BAZ1A: variants seen among roughly 807,000 people sequenced by gnomAD.
BAZ1A encodes the protein bromodomain adjacent to zinc finger domain protein 1A.
Under a neutral mutation model 185.2 loss-of-function variants are expected in BAZ1A, and 50 were observed. The observed-to-expected ratio is 0.27, with a 90% CI of 0.22 to 0.34. The LOEUF is 0.34. BAZ1A is among the 10% of genes least tolerant of loss of function. BAZ1A has a pLI of 1.00. For synonymous variants in BAZ1A, 571 were observed against 615.6 expected (o/e 0.93, Z 1.07); for missense variants, 1,356 against 1,839.9 (o/e 0.74, Z 4.81).
intron 4 of BAZ1A, among the ~76,000 whole-genome samples, chr14:34,820,951 T>C (rs140803630): frequency 2.0e-5 from 3 of 146,506 alleles, no homozygotes; most frequent in African/African-American, 4.9e-5. Flanking sequence ...CCACACTTTA[T>C]GGATTAGTGT....
chr14:34,840,741 A>G (rs2042400198), intron 3 of BAZ1A, among the ~76,000 whole-genome samples: 1 of 151,092 alleles, frequency 6.6e-6, no homozygotes, highest in South Asian at 2.1e-4. Flanking sequence ...TGGGCGACAG[A>G]GTGAGACTCT....
intron 8 of BAZ1A, 68 bp downstream of exon 8, chr14:34,801,026 C>G: frequency 9.0e-7 from 1 of 1,116,194 alleles, no homozygotes; most frequent in South Asian, 1.6e-5. Flanking sequence ...GAAACATCCC[C>G]CACTCAGGCA....
At chr14:34,867,353 C>G (rs2042877334) in intron 2 of BAZ1A, among the ~76,000 whole-genome samples, 1 of 152,198 alleles carries the variant, frequency 6.6e-6, no homozygotes, top group African/African-American at 2.4e-5. Flanking sequence ...AATAACCCAT[C>G]TGGCCAAGTA....
intron 23 of BAZ1A, 147 bp from the exon 24 acceptor site, chr14:34,762,370 G>C: frequency 1.4e-6 from 1 of 700,114 alleles, no homozygotes; most frequent in Non-Finnish European, 2.3e-6. Flanking sequence ...TCCTTAAAGA[G>C]TCAGTAAGTT....
rs554421112 is a variant in BAZ1A at position 34,771,477 on chromosome 14, C to T, written c.3301+34G>A. The stretch of plus-strand genomic sequence containing the variant: ...GGCCAACTCAAAATTACTTATAACA[C>T]AACTAATATTTTGAAATAAAAACAG... On this transcript the variant is annotated intron_variant, in intron 21 of 26. Transcript: ENST00000360310. 2.5e-5 allele frequency: 40 copies of T among 1,580,694 alleles called. No homozygotes were observed. The South Asian group carries it at 4.3e-4, about 17-fold the overall frequency.
chr14:34,791,821 A>C (rs1880866213), intron 12 of BAZ1A, among the ~76,000 whole-genome samples: 1 of 152,220 alleles, frequency 6.6e-6, no homozygotes, highest in African/African-American at 2.4e-5. Context: ...TCTTATTAGA[A>C]ATGCTTAACA....
chr14:34,776,360 C>T lies in BAZ1A; in HGVS notation c.2392G>A (p.Ala798Thr), dbSNP rs1309663032. Residue 798 changes from alanine to threonine, a missense_variant, in exon 18 of 27, where the codon GCC (alanine) becomes ACC (threonine). Ala to Thr is a moderately conservative substitution (Grantham distance 58). Around this residue, in one of 7 missense-constraint regions of BAZ1A, gnomAD observed 434 missense variants for 561.7 expected, o/e 0.77. Transcript: ENST00000360310. The stretch of plus-strand genomic sequence containing the variant: ...CCCAAGGGAAAGATATTGGTACAGG[C>T]TATGGCACTTTGGATTTTTTCTAAG... ...ELLEKIQSAI[A>T]CTNIFPLGRD... The T allele has an allele frequency of 6.2e-7, 1 of 1,614,146 alleles. No homozygotes were observed. The highest frequency in any genetic ancestry group is 2.2e-5 in the East Asian group (1 of 44,888).
intron 3 of BAZ1A, among the ~76,000 whole-genome samples, chr14:34,832,778 C>T (rs1404668348): frequency 6.6e-6 from 1 of 152,054 alleles, no homozygotes; most frequent in Non-Finnish European, 1.5e-5. Flanking sequence ...AAAAATTAAA[C>T]ATACAATTAT....
rs922614760 is a variant in BAZ1A at position 34,826,028 on chromosome 14, C to A, written c.521G>T (p.Cys174Phe). 4 of 1,571,262 alleles carry A rather than the reference C, an allele frequency of 2.5e-6. No individual in the cohort carries two copies. In the African/African-American group the frequency reaches 5.5e-5, roughly 21 times the overall value. ...SDSDDSETQS[C>F]SFQNGKKKDA... ...AATCACTTACCCATTTTGAAAAGAACAGCTTTGTGTTTCTGAATCATCACT... is the reference window on the plus strand; with the variant it reads ...AATCACTTACCCATTTTGAAAAGAAAAGCTTTGTGTTTCTGAATCATCACT... The change falls in exon 4 of 27, where the codon TGT becomes TTT. Residue 174 changes from cysteine to phenylalanine, a missense_variant. Cys to Phe is a radical substitution (Grantham distance 205). Transcript: ENST00000360310.
intron 3 of BAZ1A, among the ~76,000 whole-genome samples, chr14:34,833,645 TCA>T (rs1251164825): frequency 6.6e-6 from 1 of 151,950 alleles, no homozygotes; most frequent in Non-Finnish European, 1.5e-5. Context: ...ATAGGCAAAT[TCA>T]CAGAGAAAGA....
intron 3 of BAZ1A, among the ~76,000 whole-genome samples, chr14:34,840,331 T>C (rs2042393592): frequency 1.3e-5 from 2 of 152,142 alleles, no homozygotes; most frequent in African/African-American, 4.8e-5. Context: ...GAAAGAAGCA[T>C]TATACCGGTG....
intron 3 of BAZ1A, among the ~76,000 whole-genome samples, chr14:34,855,714 G>A (rs1044946710): frequency 3.3e-5 from 5 of 152,000 alleles, no homozygotes; most frequent in South Asian, 2.1e-4. Flanking sequence ...GCAACATGGC[G>A]AAACCCTGTC....
At chr14:34,782,998 A>G (rs1252176705) in intron 16 of BAZ1A, 121 bp downstream of exon 16, 2 of 752,514 alleles carry the variant, frequency 2.7e-6, no homozygotes, top group Non-Finnish European at 4.5e-6. Context: ...GGAAATTATC[A>G]TGTACCTATA....
At chr14:34,822,444 T>C (rs746593606) in intron 4 of BAZ1A, among the ~76,000 whole-genome samples, 2 of 152,044 alleles carry the variant, frequency 1.3e-5, no homozygotes, top group Non-Finnish European at 2.9e-5. Flanking sequence ...AGCAACATGA[T>C]GAAACTCCAT....
chr14:34,788,706 C>T (rs370358844), intron 12 of BAZ1A, among the ~76,000 whole-genome samples: 2 of 152,064 alleles, frequency 1.3e-5, no homozygotes, highest in South Asian at 4.1e-4. Context: ...AAAAGATGCT[C>T]CTCCTAAAGT....
intron 2 of BAZ1A, among the ~76,000 whole-genome samples, chr14:34,868,937 G>A (rs917989907): frequency 2.7e-5 from 4 of 148,848 alleles, no homozygotes; most frequent in Non-Finnish European, 4.4e-5. Flanking sequence ...TATAATACAT[G>A]TATATATATA....
At chr14:34,861,141 A>G (rs1233353307) in intron 3 of BAZ1A, among the ~76,000 whole-genome samples, 2 of 150,690 alleles carry the variant, frequency 1.3e-5, no homozygotes, top group African/African-American at 4.9e-5. Flanking sequence ...TAAAATCGAG[A>G]AAAAAAAAAT....
chr14:34,865,535 T>G lies in BAZ1A; in HGVS notation c.114-3213A>C, dbSNP rs140111805. On this transcript the variant is annotated intron_variant, in intron 2 of 26. Coordinates refer to ENST00000360310, the MANE Select transcript of BAZ1A (RefSeq NM_013448.3). ...TTTGATCTCCAAAAATTGGGGGCAA[T>G]TCCATTTAGATTGTTTCCTTTGTAC... is the stretch of plus-strand genomic sequence containing the variant. Among the ~76,000 whole-genome samples, 3 of 152,274 alleles carry G rather than the reference T, an allele frequency of 2.0e-5. No homozygotes were observed. In the East Asian group the frequency reaches 5.8e-4, roughly 29 times the overall value.
In BAZ1A at chr14:34,866,034, A is replaced by G. The variant is rs143018186; in HGVS notation, c.114-3712T>C. 4.6e-5 allele frequency among the ~76,000 whole-genome samples: 7 copies of G among 152,096 alleles called. No individual in the cohort carries two copies. In the East Asian group the frequency reaches 1.4e-3, roughly 29 times the overall value. ...GAGACCCTGTCTCCACCAAAAATTG[A>G]AGAAAAAAATTAGCCAGGGGGCGCA... On this transcript the variant is annotated intron_variant, in intron 2 of 26. Transcript: ENST00000360310.
Sources: gnomAD v4.1 joint callset for allele counts (sites outside exome capture counted in the v4.1 genomes callset) on GRCh38, gnomAD v4.1.1 for gene constraint, gnomAD v4.1.1 regional missense constraint, MANE v1.5 for transcripts, NCBI Gene and HGNC (gene_info 2026-07-23, HGNC 2026-07-21) for gene names.